The following HPCAL1 variants were observed in gnomAD, a reference collection of about 807,000 sequenced individuals.
HPCAL1 encodes the protein hippocalcin-like protein 1.
A neutral mutation model predicts 17.1 loss-of-function variants in HPCAL1; 8 were observed. The ratio of observed to expected loss-of-function variants is 0.47; its 90% CI spans 0.27 to 0.84. The LOEUF is 0.84. Among genes scored for constraint, HPCAL1 ranks in the 40% least tolerant of loss-of-function variants. The pLI is 0.13. For missense variants in HPCAL1, 165 were observed against 271.1 expected (o/e 0.61, Z 2.75); for synonymous variants, 112 against 111.4 (o/e 1.01, Z -0.03).
chr2:10,311,626 G>T (rs1009303433), intron 1 of HPCAL1, among the ~76,000 whole-genome samples: 4 of 152,078 alleles, frequency 2.6e-5, no homozygotes, highest in Non-Finnish European at 5.9e-5. Flanking sequence ...GGGGGGAGAA[G>T]ATGTAGAGCA....
chr2:10,350,885 A>G (rs902565536), intron 1 of HPCAL1, among the ~76,000 whole-genome samples: 1 of 152,216 alleles, frequency 6.6e-6, no homozygotes, highest in Non-Finnish European at 1.5e-5. Context: ...CGATATATCC[A>G]GTAAGACTGC....
At position 10,344,526 on chromosome 2, in the gene HPCAL1, G is replaced by T. The variant is rs1665288475; in HGVS notation, c.-111+41349G>T. Among the ~76,000 whole-genome samples the T allele has an allele frequency of 6.6e-6, 1 of 152,170 alleles. No individual in the cohort carries two copies. Among genetic ancestry groups the T allele is most frequent in the Non-Finnish European group, 1.5e-5 (1 of 68,034 alleles). On this transcript the variant is annotated intron_variant, in intron 1 of 4. Transcript: ENST00000307845. The surrounding 1 kb of genome is among the most constrained non-coding windows in gnomAD (Gnocchi z 4.9). ...TAGCTTCTTAGATATCACTCTTCAG[G>T]CCCTGAAATGGAGCCCTGTGCAAAG... is the stretch of plus-strand genomic sequence containing the variant.
chr2:10,377,020 A>G lies in HPCAL1; in HGVS notation c.-110-19815A>G, dbSNP rs936725743. 5.3e-5 allele frequency among the ~76,000 whole-genome samples: 8 copies of G among 151,916 alleles called. No homozygotes were observed. Among genetic ancestry groups the G allele is most frequent in the Non-Finnish European group, 1.0e-4 (7 of 67,962 alleles). On this transcript the variant is annotated intron_variant, in intron 1 of 4. Coordinates refer to ENST00000307845, the MANE Select transcript of HPCAL1 (RefSeq NM_002149.4). The surrounding 1 kb of genome is among the most constrained non-coding windows in gnomAD (Gnocchi z 5.9). ...CGTATTGTATTGTGTGTAGTACAATACATGTATGTAATACAATACATACTG... is the reference window on the plus strand; with the variant it reads ...CGTATTGTATTGTGTGTAGTACAATGCATGTATGTAATACAATACATACTG...
chr2:10,316,057 G>T (rs1328652646), intron 1 of HPCAL1, among the ~76,000 whole-genome samples: 2 of 152,154 alleles, frequency 1.3e-5, no homozygotes, highest in African/African-American at 2.4e-5. Context: ...TTTCAGTGTG[G>T]CATAGTGTAG....
At chr2:10,320,285 C>T (rs983250579) in intron 1 of HPCAL1, among the ~76,000 whole-genome samples, 2 of 152,156 alleles carry the variant, frequency 1.3e-5, no homozygotes, top group Non-Finnish European at 2.9e-5. Flanking sequence ...CCACCCAAAT[C>T]TCGTGTTGAA....
chr2:10,337,411 T>C (rs1664787622), intron 1 of HPCAL1, among the ~76,000 whole-genome samples: 2 of 152,224 alleles, frequency 1.3e-5, no homozygotes, highest in African/African-American at 4.8e-5. Flanking sequence ...TAGGTAATTA[T>C]TCATCCTGAT....
chr2:10,378,349 T>A (rs1572758323), intron 1 of HPCAL1, among the ~76,000 whole-genome samples: 1 of 151,666 alleles, frequency 6.6e-6, no homozygotes, highest in East Asian at 1.9e-4. Context: ...TTAGTTTTAC[T>A]TCCTGTCCCG....
chr2:10,385,294 C>T lies in HPCAL1; in HGVS notation c.-110-11541C>T, dbSNP rs11900138. 9.8e-3 allele frequency among the ~76,000 whole-genome samples: 1,494 copies of T among 152,244 alleles called. 35 individuals are homozygous for T. Among genetic ancestry groups the T allele is most frequent in the African/African-American group, 0.034 (1,423 of 41,510 alleles). ...TGAGGCTGGCCTGCCGAGCTTACGT[C>T]CCTGGGGGACTCCAGGACCCCAGTG... On this transcript the variant is annotated intron_variant, in intron 1 of 4. Coordinates refer to ENST00000307845, the MANE Select transcript of HPCAL1 (RefSeq NM_002149.4).
chr2:10,387,211 AAAGAGTAGTCG>A (rs1180029297), intron 1 of HPCAL1, among the ~76,000 whole-genome samples: 5 of 152,252 alleles, frequency 3.3e-5, no homozygotes, highest in Non-Finnish European at 7.3e-5. Context: ...CCATGAGTCC[AAAGAGTAGTCG>A]CGTGTGAATC....
intron 1 of HPCAL1, among the ~76,000 whole-genome samples, chr2:10,327,024 C>T (rs1370303104): frequency 6.6e-6 from 1 of 152,174 alleles, no homozygotes; most frequent in Non-Finnish European, 1.5e-5. Context: ...CTCCTTCTCC[C>T]AGGTGGCCAG....
rs933403096 is a variant in HPCAL1 at position 10,394,280 on chromosome 2, A to G, written c.-110-2555A>G. On this transcript the variant is annotated intron_variant, in intron 1 of 4. Transcript: ENST00000307845. The surrounding 1 kb of genome is among the most constrained non-coding windows in gnomAD (Gnocchi z 5.0). ...CTCTTTCCTTCTCCATAAACAGTTG[A>G]GAATGAGCTCTCTGCCAGGCCGGTA... 2.0e-5 allele frequency among the ~76,000 whole-genome samples: 3 copies of G among 152,170 alleles called. No homozygotes were observed. The highest frequency in any genetic ancestry group is 6.5e-5 in the Admixed American group (1 of 15,268).
In HPCAL1 at chr2:10,331,262, C is replaced by T. The variant is rs1224657906; in HGVS notation, c.-111+28085C>T. 2.6e-5 allele frequency among the ~76,000 whole-genome samples: 4 copies of T among 152,124 alleles called. No individual in the cohort carries two copies. Among genetic ancestry groups the T allele is most frequent in the Admixed American group, 1.3e-4 (2 of 15,276 alleles). ...GGTGCTGGCTGCCTGTTACTCAGCA[C>T]GTCCGCCTCTCCTGCCTCCTGAGCC... On this transcript the variant is annotated intron_variant, in intron 1 of 4. Coordinates refer to ENST00000307845, the MANE Select transcript of HPCAL1 (RefSeq NM_002149.4). This position sits in a 1 kb window ranked among gnomAD's most constrained non-coding sequence, Gnocchi z 5.0.
rs372447946 is a variant in HPCAL1, at chr2:10,357,604, G to A, written c.-110-39231G>A. 1.1e-3 allele frequency among the ~76,000 whole-genome samples: 163 copies of A among 152,264 alleles called. 1 individual carries two copies. The highest frequency in any genetic ancestry group is 0.01 in the South Asian group (50 of 4,830). On this transcript the variant is annotated intron_variant, in intron 1 of 4. Coordinates refer to ENST00000307845, the MANE Select transcript of HPCAL1 (RefSeq NM_002149.4). ...AGAAATGCCTCCTGCATCTTTATTA[G>A]ATCCCTCCAAATGGAAATCCAGCAG...
At chr2:10,399,265 C>CCAT (rs1669308735) in intron 2 of HPCAL1, among the ~76,000 whole-genome samples, 5 of 84,376 alleles carry the variant, frequency 5.9e-5, no homozygotes, top group South Asian at 4.4e-4. Context: ...ACCACCATCA[C>CCAT]CACCACCACC....
At chr2:10,396,321 G>A (rs953974056) in intron 1 of HPCAL1, among the ~76,000 whole-genome samples, 2 of 152,216 alleles carry the variant, frequency 1.3e-5, no homozygotes, top group African/African-American at 2.4e-5. Flanking sequence ...TCAAGAAACC[G>A]TGGAGGCTGG....
chr2:10,424,846 C>T (rs946781651), intron 4 of HPCAL1: 2 of 340,070 alleles, frequency 5.9e-6, no homozygotes, highest in East Asian at 7.7e-5. Flanking sequence ...TGGAGTTTGC[C>T]CCAACTTCCC....
chr2:10,312,397 A>G (rs1663038107), intron 1 of HPCAL1, among the ~76,000 whole-genome samples: 1 of 146,762 alleles, frequency 6.8e-6, no homozygotes, highest in African/African-American at 2.6e-5. Flanking sequence ...TGTCATCATC[A>G]CCATTCACCA....
chr2:10,334,322 G>GTT (rs113817096), intron 1 of HPCAL1, among the ~76,000 whole-genome samples: 8,892 of 150,074 alleles, frequency 0.059, 562 homozygotes, highest in East Asian at 0.33. Flanking sequence ...GTTTTGTTTT[G>GTT]TTTTGTTTTT....
rs915913045 is a variant in HPCAL1, at chr2:10,403,501, T to A, written c.-25+6581T>A. On this transcript the variant is annotated intron_variant, in intron 2 of 4. Coordinates refer to ENST00000307845, the MANE Select transcript of HPCAL1 (RefSeq NM_002149.4). ...GTGTGTGTGTGTGTGTGTGTGTGTG[T>A]GTGACGGAGTCTTGCTCTGTCACCC... Among the ~76,000 whole-genome samples, 7 of 141,804 alleles carry A rather than the reference T, an allele frequency of 4.9e-5. 1 individual carries two copies. Among genetic ancestry groups the A allele is most frequent in the African/African-American group, 1.8e-4 (7 of 39,738 alleles). 93.0% of individuals were successfully genotyped at this position (141,804 alleles called of 152,430 possible).
Sources: allele counts gnomAD v4.1 joint callset (sites outside exome capture counted in the v4.1 genomes callset), GRCh38; gene constraint gnomAD v4.1.1; non-coding constraint Gnocchi (gnomAD v3.1); transcripts MANE v1.5; gene names NCBI Gene and HGNC (gene_info 2026-07-23, HGNC 2026-07-21).